FAF1: variants seen among roughly 807,000 people sequenced by gnomAD.
FAF1 encodes Fas associated factor 1.
Under a neutral mutation model 92.5 loss-of-function variants are expected in FAF1, and 25 were observed. The ratio of observed to expected loss-of-function variants is 0.27; its 90% CI spans 0.20 to 0.38. FAF1 has a LOEUF of 0.38. Ranked by LOEUF, FAF1 falls within the 10% of genes least tolerant of loss-of-function variation. The probability of loss-of-function intolerance (pLI) is 1.00; values close to 1 mark genes in which losing one functional copy is unlikely to be tolerated. For synonymous variants in FAF1, 234 were observed against 273.2 expected (o/e 0.86, Z 1.42); for missense variants, 636 against 793.3 (o/e 0.80, Z 2.38).
chr1:50,824,958 G>A (rs556207416), intron 2 of FAF1, among the ~76,000 whole-genome samples: 5 of 152,168 alleles, frequency 3.3e-5, no homozygotes, highest in African/African-American at 1.2e-4. Context: ...GGAAGGGTAG[G>A]AGAAAGGGGA....
At chr1:50,755,696 C>T (rs1660049109) in intron 4 of FAF1, among the ~76,000 whole-genome samples, 1 of 152,152 alleles carries the variant, frequency 6.6e-6, no homozygotes. Flanking sequence ...CAAGCTTCTG[C>T]CTGGGCATCC....
intron 8 of FAF1, among the ~76,000 whole-genome samples, chr1:50,640,056 G>A (rs1397487460): frequency 6.6e-6 from 1 of 150,926 alleles, no homozygotes; most frequent in East Asian, 1.9e-4. Context: ...TTTATTTACT[G>A]TGAAATTCAA....
chr1:50,922,477 A>AG (rs1477206055), intron 1 of FAF1, among the ~76,000 whole-genome samples: 13 of 147,504 alleles, frequency 8.8e-5, no homozygotes, highest in South Asian at 2.1e-4. Context: ...AAAAAAAAAA[A>AG]AAAAAGAAAA....
At chr1:50,630,329 T>TA (rs1653714143) in intron 8 of FAF1, among the ~76,000 whole-genome samples, 1 of 152,198 alleles carries the variant, frequency 6.6e-6, no homozygotes, top group African/African-American at 2.4e-5. Context: ...TGTGATGTCA[T>TA]ACTGTAAAAG....
intron 1 of FAF1, among the ~76,000 whole-genome samples, chr1:50,887,815 G>A (rs1644681633): frequency 6.6e-6 from 1 of 152,206 alleles, no homozygotes; most frequent in African/African-American, 2.4e-5. Flanking sequence ...GTAACATGAT[G>A]CCTCCAGCTT....
At chr1:50,816,228 G>A (rs1279916081) in intron 2 of FAF1, among the ~76,000 whole-genome samples, 5 of 123,512 alleles carry the variant, frequency 4.0e-5, no homozygotes, top group Non-Finnish European at 8.1e-5. Context: ...TTTTTGAGAC[G>A]GAGTCTTGCT....
At chr1:50,906,120 A>C (rs1403060386) in intron 1 of FAF1, among the ~76,000 whole-genome samples, 2 of 152,162 alleles carry the variant, frequency 1.3e-5, no homozygotes, top group African/African-American at 4.8e-5. Flanking sequence ...TCCCAGCACC[A>C]TTTATTAAAT....
intron 12 of FAF1, among the ~76,000 whole-genome samples, chr1:50,577,794 A>G (rs887543279): frequency 1.3e-5 from 2 of 152,244 alleles, no homozygotes; most frequent in African/African-American, 4.8e-5. Context: ...ACTGATCAGT[A>G]CATTATCAGA....
At chr1:50,948,005 C>A (rs553487380) in intron 1 of FAF1, among the ~76,000 whole-genome samples, 1 of 151,674 alleles carries the variant, frequency 6.6e-6, no homozygotes, top group African/African-American at 2.4e-5. Context: ...GCTGACAGTA[C>A]GAGAAAGAAA....
chr1:50,885,845 A>G (rs1644657741), intron 1 of FAF1, among the ~76,000 whole-genome samples: 1 of 151,862 alleles, frequency 6.6e-6, no homozygotes, highest in Non-Finnish European at 1.5e-5. Flanking sequence ...TTTCTTGTGT[A>G]TATTCTGTAT....
chr1:50,767,185 T>C (rs1278235093), intron 4 of FAF1, among the ~76,000 whole-genome samples: 2 of 152,130 alleles, frequency 1.3e-5, no homozygotes, highest in Non-Finnish European at 2.9e-5. Context: ...AATCCAGTAT[T>C]AACATCAGAA....
At chr1:50,501,503 T>C (rs1646983941) in intron 15 of FAF1, among the ~76,000 whole-genome samples, 1 of 151,754 alleles carries the variant, frequency 6.6e-6, no homozygotes, top group Non-Finnish European at 1.5e-5. Context: ...CTACTAAAAA[T>C]ACAAAAATTT....
chr1:50,707,789 C>T (rs1213721799), intron 6 of FAF1, among the ~76,000 whole-genome samples: 1 of 152,092 alleles, frequency 6.6e-6, no homozygotes, highest in African/African-American at 2.4e-5. Flanking sequence ...ATATTTATTG[C>T]ATAATGAATG....
chr1:50,738,890 G>A lies in FAF1; in HGVS notation c.524C>T (p.Pro175Leu). The A allele has an allele frequency of 6.2e-7, 1 of 1,608,720 alleles. No individual in the cohort carries two copies. Among genetic ancestry groups the A allele is most frequent in the Non-Finnish European group, 8.5e-7 (1 of 1,176,624 alleles). ...NSLYVLTPDL[P>L]PPSSSSHAGA... The stretch of plus-strand genomic sequence containing the variant: ...AGCATGACTAGATGATGAAGGTGGT[G>A]GCAAATCTGGTGTAAGGACATAAAG... The change falls in exon 6 of 19, where the codon CCA becomes CTA. Residue 175 changes from proline to leucine, a missense_variant. Coordinates refer to ENST00000396153, the MANE Select transcript of FAF1 (RefSeq NM_007051.3).
At chr1:50,830,702 T>A (rs1644145202) in intron 2 of FAF1, among the ~76,000 whole-genome samples, 1 of 151,942 alleles carries the variant, frequency 6.6e-6, no homozygotes, top group Admixed American at 6.6e-5. Flanking sequence ...CCCATCTCAT[T>A]TTAAAATAAA....
intron 17 of FAF1, among the ~76,000 whole-genome samples, chr1:50,489,458 G>C (rs1245994496): frequency 6.6e-6 from 1 of 152,110 alleles, no homozygotes; most frequent in Admixed American, 6.5e-5. Context: ...TCTTTTCTAT[G>C]AAGCCAGCCT....
rs1255685305 is a variant in FAF1, at chr1:50,927,190, T to C, written c.45+32577A>G. Among the ~76,000 whole-genome samples the C allele has an allele frequency of 2.0e-5, 3 of 152,296 alleles. No homozygotes were observed. The East Asian group carries it at 5.8e-4, about 29-fold the overall frequency. On this transcript the variant is annotated intron_variant, in intron 1 of 18. Coordinates refer to ENST00000396153, the MANE Select transcript of FAF1 (RefSeq NM_007051.3). ...GAGTGGTGGTGATGCCACATAACAA[T>C]GTGAGGGTACTTAATACCACTGAAC...
intron 4 of FAF1, among the ~76,000 whole-genome samples, chr1:50,779,286 AT>A (rs1661075286): frequency 6.6e-6 from 1 of 152,192 alleles, no homozygotes. Context: ...ATTAATGTTG[AT>A]ATCTTGACCT....
At chr1:50,820,872 T>C (rs1644037396) in intron 2 of FAF1, among the ~76,000 whole-genome samples, 1 of 152,216 alleles carries the variant, frequency 6.6e-6, no homozygotes, top group East Asian at 1.9e-4. Flanking sequence ...TGTGTACACA[T>C]ACCAGATTTT....
Sources: gnomAD v4.1 joint callset for allele counts (sites outside exome capture counted in the v4.1 genomes callset) on GRCh38, gnomAD v4.1.1 for gene constraint, MANE v1.5 for transcripts, NCBI Gene and HGNC (gene_info 2026-07-23, HGNC 2026-07-21) for gene names.